Variants in BMAL2 observed in about 807,000 individuals in gnomAD.
BMAL2 encodes the protein basic helix-loop-helix ARNT-like protein 2.
chr12:27,363,663 G>T, the BMAL2 span, among the ~76,000 whole-genome samples: 1 of 152,112 alleles, frequency 6.6e-6, no homozygotes, highest in African/African-American at 2.4e-5. Context: ...AGAGTCATTG[G>T]TCTTTTTCTT....
the BMAL2 span, among the ~76,000 whole-genome samples, chr12:27,340,711 T>C: frequency 6.6e-6 from 1 of 152,234 alleles, no homozygotes; most frequent in African/African-American, 2.4e-5. Flanking sequence ...GATAGTCCAT[T>C]TTAACAATAT....
At chr12:27,371,728 AC>A in the BMAL2 span, among the ~76,000 whole-genome samples, 1 of 104,242 alleles carries the variant, frequency 9.6e-6, no homozygotes. Flanking sequence ...ACACACACAC[AC>A]ACATATATAT....
the BMAL2 span, chr12:27,424,324 T>A: frequency 6.6e-6 from 1 of 152,198 alleles, no homozygotes; most frequent in Admixed American, 6.5e-5. Flanking sequence ...CTATCCATGT[T>A]ACCAAATTTA....
chr12:27,350,812 TG>T, the BMAL2 span, among the ~76,000 whole-genome samples: 1 of 151,998 alleles, frequency 6.6e-6, no homozygotes. Flanking sequence ...CCTGTGTCGC[TG>T]GGATTACAGG....
chr12:27,333,886 C>CG, the BMAL2 span, among the ~76,000 whole-genome samples: 2 of 152,236 alleles, frequency 1.3e-5, no homozygotes, highest in Non-Finnish European at 2.9e-5. Context: ...TTCCTTACAA[C>CG]GGGGCCTTTG....
the BMAL2 span, chr12:27,421,990 T>G: frequency 6.6e-6 from 1 of 152,222 alleles, no homozygotes; most frequent in Non-Finnish European, 1.5e-5. Context: ...ATGTTTAAAA[T>G]TATGAGGCAA....
At chr12:27,362,370 C>T in the BMAL2 span, among the ~76,000 whole-genome samples, 1 of 152,170 alleles carries the variant, frequency 6.6e-6, no homozygotes, top group African/African-American at 2.4e-5. Context: ...ATGTTGTAGA[C>T]TGGAAACTTA....
At chr12:27,401,986 T>C in the BMAL2 span, among the ~76,000 whole-genome samples, 1 of 152,218 alleles carries the variant, frequency 6.6e-6, no homozygotes, top group African/African-American at 2.4e-5. Context: ...ATTTCTACTG[T>C]GCATTATTGT....
chr12:27,396,033 T>C, the BMAL2 span, among the ~76,000 whole-genome samples: 1 of 152,254 alleles, frequency 6.6e-6, no homozygotes, highest in Non-Finnish European at 1.5e-5. Flanking sequence ...GTTGAAGCGC[T>C]AGGCCCCAGT....
the BMAL2 span, chr12:27,421,951 C>T: frequency 3.3e-5 from 5 of 151,868 alleles, no homozygotes; most frequent in Non-Finnish European, 7.4e-5. Context: ...TGCCTGTAAC[C>T]AAAGGTAATA....
chr12:27,388,406 C>G, the BMAL2 span, among the ~76,000 whole-genome samples: 33 of 152,178 alleles, frequency 2.2e-4, no homozygotes, highest in South Asian at 1.5e-3. Flanking sequence ...ATCGGCTGGT[C>G]CGTTAGTCCT....
At chr12:27,387,971 T>TATG in the BMAL2 span, among the ~76,000 whole-genome samples, 1 of 152,134 alleles carries the variant, frequency 6.6e-6, no homozygotes, top group African/African-American at 2.4e-5. Flanking sequence ...AAGGGAATAT[T>TATG]ATGAGCCTGT....
chr12:27,377,389 T>C, the BMAL2 span: 1 of 152,450 alleles, frequency 6.6e-6, no homozygotes, highest in Admixed American at 6.5e-5. Flanking sequence ...AGCATCATCA[T>C]TGACCTTCTC....
chr12:27,374,868 G>C, the BMAL2 span, among the ~76,000 whole-genome samples: 1 of 152,130 alleles, frequency 6.6e-6, no homozygotes, highest in East Asian at 1.9e-4. Context: ...TGTGCTGTGA[G>C]AATCAAGTGT....
the BMAL2 span, chr12:27,424,106 CTT>C: frequency 2.0e-5 from 3 of 152,036 alleles, no homozygotes; most frequent in Non-Finnish European, 4.4e-5. Context: ...TATCTTTTTA[CTT>C]TTTTAATGTG....
chr12:27,409,366 A>G, the BMAL2 span, among the ~76,000 whole-genome samples: 3 of 152,216 alleles, frequency 2.0e-5, no homozygotes, highest in Non-Finnish European at 4.4e-5. Flanking sequence ...TACAGTAACC[A>G]AAACAGCATG....
chr12:27,338,091 C>T, the BMAL2 span, among the ~76,000 whole-genome samples: 5 of 152,114 alleles, frequency 3.3e-5, no homozygotes, highest in Non-Finnish European at 7.3e-5. Context: ...ATTTCTTGCA[C>T]CTATTAAGTG....
At chr12:27,408,307 C>A in the BMAL2 span, among the ~76,000 whole-genome samples, 1 of 152,168 alleles carries the variant, frequency 6.6e-6, no homozygotes, top group Admixed American at 6.5e-5. Context: ...GAATTTTAGA[C>A]CAATATCCCT....
At chr12:27,386,661 G>C in the BMAL2 span, among the ~76,000 whole-genome samples, 4 of 152,004 alleles carry the variant, frequency 2.6e-5, no homozygotes, top group African/African-American at 9.7e-5. Flanking sequence ...ACAAGGTCTG[G>C]CTCTGTTGCC....
Sources: allele counts gnomAD v4.1 joint callset (sites outside exome capture counted in the v4.1 genomes callset), GRCh38; gene constraint gnomAD v4.1.1; transcripts MANE v1.5; gene names NCBI Gene and HGNC (gene_info 2026-07-23, HGNC 2026-07-21).